KAZN: variants seen among roughly 807,000 people sequenced by gnomAD.
KAZN encodes kazrin, periplakin interacting protein.
A neutral mutation model predicts 87.4 loss-of-function variants in KAZN; 40 were observed. That is an observed-to-expected ratio of 0.46 (90% CI 0.36 to 0.60). The LOEUF (loss-of-function observed/expected upper bound fraction) is 0.60. Ranked by LOEUF, KAZN falls within the 20% of genes least tolerant of loss-of-function variation. The probability of loss-of-function intolerance (pLI) is 0.00; values close to 1 mark genes in which losing one functional copy is unlikely to be tolerated. For synonymous variants in KAZN, 466 were observed against 458.3 expected (o/e 1.02, Z -0.22); for missense variants, 898 against 1,073.9 (o/e 0.84, Z 2.29).
intron 1 of KAZN, among the ~76,000 whole-genome samples, chr1:14,706,615 C>G (rs898702203): frequency 1.3e-5 from 2 of 152,098 alleles, no homozygotes; most frequent in Non-Finnish European, 2.9e-5. Flanking sequence ...TGTGTGTCAA[C>G]TTTTAAAATG....
chr1:14,293,053 G>A (rs954872456), intron 2 of KAZN, among the ~76,000 whole-genome samples: 4 of 152,182 alleles, frequency 2.6e-5, no homozygotes, highest in African/African-American at 9.7e-5. Flanking sequence ...TGTGAGCCAG[G>A]CCCTGTGCAA....
chr1:14,810,045 G>T (rs2100780522), intron 1 of KAZN, among the ~76,000 whole-genome samples: 1 of 152,192 alleles, frequency 6.6e-6, no homozygotes, highest in South Asian at 2.1e-4. Context: ...AGGATTCCTG[G>T]CCTGTACCCT....
At chr1:14,900,524 C>T (rs948120361) in intron 1 of KAZN, among the ~76,000 whole-genome samples, 2 of 151,940 alleles carry the variant, frequency 1.3e-5, no homozygotes, top group Non-Finnish European at 2.9e-5. Flanking sequence ...GAGGCCGAGG[C>T]GGGTGGATCA....
intron 1 of KAZN, among the ~76,000 whole-genome samples, chr1:14,919,230 G>A (rs995513917): frequency 6.6e-6 from 1 of 152,122 alleles, no homozygotes; most frequent in African/African-American, 2.4e-5. Flanking sequence ...AGGCTGGAGT[G>A]CAGTGGCACG....
chr1:15,115,904 A>G lies in KAZN; in HGVS notation c.*1269A>G, dbSNP rs987932743. 6.6e-6 allele frequency: 1 copy of G among 152,200 alleles called. No individual in the cohort carries two copies. The highest frequency in any genetic ancestry group is 6.5e-5 in the Admixed American group (1 of 15,286). 9.4% of individuals were successfully genotyped at this position (152,200 alleles called of 1,614,324 possible). A position where few individuals can be genotyped will look rare whatever the true frequency, so the allele number is the denominator to read the frequency against. On this transcript the variant is annotated 3_prime_UTR_variant, in exon 15 of 15. Coordinates refer to ENST00000376030, the MANE Select transcript of KAZN (RefSeq NM_201628.3). The surrounding 1 kb of genome is among the most constrained non-coding windows in gnomAD (Gnocchi z 4.1). ...AGCTAATTTCCCATTTACAACACAGAAATGATATAGAGCTAGTTCGCTCCA... is the reference window on the plus strand; with the variant it reads ...AGCTAATTTCCCATTTACAACACAGGAATGATATAGAGCTAGTTCGCTCCA...
intron 2 of KAZN, among the ~76,000 whole-genome samples, chr1:14,355,028 T>G (rs764383133): frequency 3.3e-5 from 5 of 151,748 alleles, no homozygotes; most frequent in African/African-American, 4.8e-5. Context: ...AAAAAAGAAA[T>G]AAACTGCTGA....
intron 1 of KAZN, among the ~76,000 whole-genome samples, chr1:13,909,568 A>AC (rs778449595): frequency 1.3e-5 from 2 of 152,076 alleles, no homozygotes; most frequent in Non-Finnish European, 2.9e-5. Context: ...CTGTTCCTAC[A>AC]CCCACATTTT....
At chr1:15,104,399 G>T (rs6695209) in intron 13 of KAZN, among the ~76,000 whole-genome samples, 1 of 152,160 alleles carries the variant, frequency 6.6e-6, no homozygotes. Flanking sequence ...CTAGAAAGAC[G>T]TAGAGGAGCA....
At chr1:14,221,359 T>A (rs1437964645) in intron 2 of KAZN, among the ~76,000 whole-genome samples, 1 of 152,196 alleles carries the variant, frequency 6.6e-6, no homozygotes, top group Non-Finnish European at 1.5e-5. Context: ...AGTCTTCTGT[T>A]AACATTATAC....
rs567354619 is a variant in KAZN, at chr1:15,094,835, C to G, written c.1449C>G (p.Asp483Glu). The G allele has an allele frequency of 1.9e-6, 3 of 1,550,164 alleles. No homozygotes were observed. The highest frequency in any genetic ancestry group is 2.7e-5 in the African/African-American group (2 of 73,034). The change falls in exon 10 of 15, where the codon GAC (aspartate) becomes GAG (glutamate). Residue 483 changes from aspartate (D) to glutamate (E), a missense_variant. By Grantham distance (45) the Asp-to-Glu change is conservative (BLOSUM62 2). Transcript: ENST00000376030. This position sits in a 1 kb window ranked among gnomAD's most constrained non-coding sequence, Gnocchi z 4.5. ...GGCAGGTGCTGCTGAGCCTGAGTGA[C>G]GAGGACCTGCAGCTGGGCCTTGGGG... ...KSGKVLLSLS[D>E]EDLQLGLGVC...
intron 2 of KAZN, among the ~76,000 whole-genome samples, chr1:15,030,138 A>G (rs1671541401): frequency 1.3e-5 from 2 of 152,132 alleles, no homozygotes; most frequent in Admixed American, 1.3e-4. Context: ...TGCCTCTCCT[A>G]GGAGGGCGGC....
chr1:15,110,663 G>A (rs1295734540), intron 13 of KAZN, among the ~76,000 whole-genome samples: 1 of 152,204 alleles, frequency 6.6e-6, no homozygotes, highest in Non-Finnish European at 1.5e-5. Flanking sequence ...CCAACGCTAA[G>A]GCACTGAGCC....
chr1:14,924,709 C>G (rs1439703562), intron 1 of KAZN: 2 of 373,206 alleles, frequency 5.4e-6, no homozygotes, highest in African/African-American at 2.2e-5. Context: ...CGCGGAGCCC[C>G]GAGCCCCGGG....
intron 1 of KAZN, among the ~76,000 whole-genome samples, chr1:14,083,960 C>A (rs1643771946): frequency 6.6e-6 from 1 of 152,156 alleles, no homozygotes; most frequent in Non-Finnish European, 1.5e-5. Context: ...ATGGTGTGTT[C>A]TGTAGTACAG....
At chr1:14,747,479 G>C (rs946632550) in intron 1 of KAZN, among the ~76,000 whole-genome samples, 1 of 152,154 alleles carries the variant, frequency 6.6e-6, no homozygotes, top group African/African-American at 2.4e-5. Flanking sequence ...GTTTCACCAT[G>C]TTGGCCAGCA....
intron 2 of KAZN, among the ~76,000 whole-genome samples, chr1:14,310,074 G>A (rs547746237): frequency 3.9e-5 from 6 of 152,170 alleles, no homozygotes; most frequent in South Asian, 2.1e-4. Context: ...AGCAACGGGC[G>A]GCAAGGGAAA....
At chr1:14,369,566 T>TAGACG (rs766703039) in intron 2 of KAZN, among the ~76,000 whole-genome samples, 59 of 152,322 alleles carry the variant, frequency 3.9e-4, no homozygotes, top group Non-Finnish European at 6.3e-4. Context: ...AAGGGCAGAC[T>TAGACG]GGACGGGACC....
At chr1:13,902,721 T>A (rs1639293815) in intron 1 of KAZN, among the ~76,000 whole-genome samples, 1 of 152,200 alleles carries the variant, frequency 6.6e-6, no homozygotes, top group African/African-American at 2.4e-5. Flanking sequence ...GAAAAATGTT[T>A]GAGATGATGA....
intron 2 of KAZN, among the ~76,000 whole-genome samples, chr1:14,242,488 A>G (rs1305777118): frequency 6.6e-6 from 1 of 152,222 alleles, no homozygotes; most frequent in Admixed American, 6.5e-5. Context: ...TATTTGAACA[A>G]CAAATATATA....
Sources: gnomAD v4.1 joint callset for allele counts (sites outside exome capture counted in the v4.1 genomes callset) on GRCh38, gnomAD v4.1.1 for gene constraint, Gnocchi (gnomAD v3.1) non-coding constraint, MANE v1.5 for transcripts, NCBI Gene and HGNC (gene_info 2026-07-23, HGNC 2026-07-21) for gene names.